RAC2: variants seen among roughly 807,000 people sequenced by gnomAD.
RAC2 encodes the protein ras-related C3 botulinum toxin substrate 2.
In RAC2, 1 loss-of-function variant was observed where a neutral mutation model predicts 24.0. The ratio of observed to expected loss-of-function variants is 0.04; its 90% confidence interval spans 0.01 to 0.20. The LOEUF is 0.20. Among genes scored for constraint, RAC2 ranks in the 10% least tolerant of loss-of-function variants. RAC2 has a pLI of 1.00. For missense variants in RAC2, 130 were observed against 259.1 expected (o/e 0.50, Z 3.42); for synonymous variants, 114 against 106.8 (o/e 1.07, Z -0.41).
intron 5 of RAC2, among the ~76,000 whole-genome samples, 163 bp from the exon 6 acceptor site, chr22:37,226,966 G>T (rs1369254080): frequency 3.6e-5 from 1 of 27,406 alleles, no homozygotes; most frequent in Non-Finnish European, 7.4e-5. Flanking sequence ...CCCCTCCCAC[G>T]CCATACACCC....
At chr22:37,240,900 G>C in intron 2 of RAC2, 1 of 644,880 alleles carries the variant, frequency 1.6e-6, no homozygotes, top group Non-Finnish European at 2.9e-6. Context: ...CGAACAGTAG[G>C]GTCCGGAGGA....
At chr22:37,236,214 T>C (rs1447739728) in intron 2 of RAC2, among the ~76,000 whole-genome samples, 2 of 152,188 alleles carry the variant, frequency 1.3e-5, no homozygotes, top group East Asian at 1.9e-4. Flanking sequence ...CACTGGGAGA[T>C]GCTGAGAAGC....
intron 2 of RAC2, among the ~76,000 whole-genome samples, chr22:37,240,396 C>T (rs1927351946): frequency 6.6e-6 from 1 of 152,238 alleles, no homozygotes; most frequent in Non-Finnish European, 1.5e-5. Flanking sequence ...CTGTGAGGCT[C>T]AGCTTCCCCA....
rs555876188 is a variant in RAC2, at chr22:37,230,752, T to G, written c.448+479A>C. On this transcript the variant is annotated intron_variant, in intron 5 of 6. Coordinates refer to ENST00000249071, the MANE Select transcript of RAC2 (RefSeq NM_002872.5). The stretch of plus-strand genomic sequence containing the variant: ...GGAAGGAAATGTGTCACCCTTTAGA[T>G]CTAATGCAGCGCCACCTCCTCCAGG... 3.9e-5 allele frequency among the ~76,000 whole-genome samples: 6 copies of G among 152,162 alleles called. No individual in the cohort carries two copies. The South Asian group carries it at 6.2e-4, about 16-fold the overall frequency.
At chr22:37,229,105 AC>A (rs1353231283) in intron 5 of RAC2, among the ~76,000 whole-genome samples, 1 of 151,916 alleles carries the variant, frequency 6.6e-6, no homozygotes, top group Non-Finnish European at 1.5e-5. Flanking sequence ...CCAGCCACCC[AC>A]TCACCCAGGA....
chr22:37,231,155 GTTTA>G lies in RAC2; in HGVS notation c.448+72_448+75del. 1 of 1,561,832 alleles carries G rather than the reference GTTTA, an allele frequency of 6.4e-7. No homozygotes were observed. Among genetic ancestry groups the G allele is most frequent in the Non-Finnish European group, 8.8e-7 (1 of 1,136,002 alleles). ...TGCACAGCCTGGCCCTGCAGCCCGT[GTTTA>G]CAATCACACCACGAGGCCAAGTCAG... On this transcript the variant is annotated intron_variant, in intron 5 of 6. Coordinates refer to ENST00000249071, the MANE Select transcript of RAC2 (RefSeq NM_002872.5). The surrounding 1 kb of genome is among the most constrained non-coding windows in gnomAD (Gnocchi z 5.5).
chr22:37,231,089 C>A lies in RAC2; in HGVS notation c.448+142G>T, dbSNP rs1927045484. ...GCAGAGAGAGGCTACGTGACTCGCC[C>A]AAGGTCACACAGCAAGTGCACAGCA... On this transcript the variant is annotated intron_variant, in intron 5 of 6. Transcript: ENST00000249071. This position sits in a 1 kb window ranked among gnomAD's most constrained non-coding sequence, Gnocchi z 5.5. 2 of 1,024,506 alleles carry A rather than the reference C, an allele frequency of 2.0e-6. No homozygotes were observed. The highest frequency in any genetic ancestry group is 3.0e-6 in the Non-Finnish European group (2 of 672,908). The allele number at this position is 1,024,506 out of a possible 1,614,324, so 63.5% of individuals were successfully genotyped here. A position where few individuals can be genotyped will look rare whatever the true frequency, so the allele number is the denominator to read the frequency against.
chr22:37,230,776 G>A (rs535130428), intron 5 of RAC2, among the ~76,000 whole-genome samples: 1 of 152,226 alleles, frequency 6.6e-6, no homozygotes, highest in East Asian at 1.9e-4. Flanking sequence ...ACCTCCTCCA[G>A]GAAGCCTTCC....
In RAC2 at chr22:37,231,578, G is replaced by A; in HGVS notation, c.289-188C>T. 2 of 620,822 alleles carry A rather than the reference G, an allele frequency of 3.2e-6. No homozygotes were observed. The highest frequency in any genetic ancestry group is 3.8e-5 in the South Asian group (2 of 52,286). The allele number at this position is 620,822 out of a possible 1,614,324, so 38.5% of individuals were successfully genotyped here. Reference sequence around the variant, plus strand: ...CACAGGGAGGGGAGGCCACGACGTTGTGCAGGAAGGAGGGGGCGCATGATT... The same window carrying A: ...CACAGGGAGGGGAGGCCACGACGTTATGCAGGAAGGAGGGGGCGCATGATT... On this transcript the variant is annotated intron_variant, in intron 4 of 6. Coordinates refer to ENST00000249071, the MANE Select transcript of RAC2 (RefSeq NM_002872.5). This position sits in a 1 kb window ranked among gnomAD's most constrained non-coding sequence, Gnocchi z 5.5.
At chr22:37,232,696 G>C in intron 3 of RAC2, 105 bp downstream of exon 3, 1 of 930,954 alleles carries the variant, frequency 1.1e-6, no homozygotes, top group South Asian at 1.3e-5. Context: ...GGGCCTTAAG[G>C]GGAGAGGTAG....
At chr22:37,232,584 A>C in intron 3 of RAC2, 1 of 585,386 alleles carries the variant, frequency 1.7e-6, no homozygotes, top group Non-Finnish European at 3.1e-6. Flanking sequence ...TGGGGTGGGA[A>C]GATGGGCACA....
In RAC2 at chr22:37,226,685, G is replaced by A. The variant is rs577981173; in HGVS notation, c.567C>T (p.Cys189=). The A allele has an allele frequency of 4.3e-5, 70 of 1,612,868 alleles. 1 individual carries two copies. In the South Asian group the frequency reaches 7.0e-4, roughly 16 times the overall value. ...PQPTRQQKRA[C]SLL ...GGGACTCTTACCCCTAGAGGAGGCT[G>A]CAGGCGCGCTTCTGCTGCCGCGTGG... Residue 189 remains cysteine, a synonymous_variant, in exon 6 of 7, where the codon TGC becomes TGT. Transcript: ENST00000249071.
At chr22:37,227,832 T>C (rs759957684) in intron 5 of RAC2, among the ~76,000 whole-genome samples, 24 of 152,094 alleles carry the variant, frequency 1.6e-4, no homozygotes, top group Non-Finnish European at 2.9e-4. Flanking sequence ...CTCATGTCTG[T>C]AATAGCGAGC....
chr22:37,231,938 G>A lies in RAC2; in HGVS notation c.282C>T (p.Arg94=), dbSNP rs201989515. The A allele has an allele frequency of 4.4e-5, 68 of 1,551,966 alleles. No homozygotes were observed. Among genetic ancestry groups the A allele is most frequent in the East Asian group, 2.4e-4 (10 of 40,928 alleles). Residue 94 remains arginine (R), a synonymous_variant, in exon 4 of 7, where the codon CGC becomes CGT. Coordinates refer to ENST00000249071, the MANE Select transcript of RAC2 (RefSeq NM_002872.5). This position sits in a 1 kb window ranked among gnomAD's most constrained non-coding sequence, Gnocchi z 5.5. ...CCCACCCTGTCCAGCTCACCTTGGC[G>A]CGGACGTTCTCATAAGAGGCTGGGC... is the stretch of plus-strand genomic sequence containing the variant. ...LVSPASYENV[R]AKWFPEVRHH... is the part of the protein sequence containing the mutation.
chr22:37,244,258 G>A lies in RAC2; in HGVS notation c.-110C>T. On this transcript the variant is annotated 5_prime_UTR_variant, in exon 1 of 7. Transcript: ENST00000249071. Reference sequence around the variant, plus strand: ...AGGCGCCTGCTGAGGAGCAGCGGTGGTGGGGCAGGAGGAAACGGAAGGGGA... The same window carrying A: ...AGGCGCCTGCTGAGGAGCAGCGGTGATGGGGCAGGAGGAAACGGAAGGGGA... 1.6e-6 allele frequency: 2 copies of A among 1,268,170 alleles called. No individual in the cohort carries two copies. The highest frequency in any genetic ancestry group is 1.1e-6 in the Non-Finnish European group (1 of 889,842). 78.6% of individuals were successfully genotyped at this position (1,268,170 alleles called of 1,614,324 possible). A position where few individuals can be genotyped will look rare whatever the true frequency, so the allele number is the denominator to read the frequency against.
chr22:37,229,187 T>C (rs1926978863), intron 5 of RAC2, among the ~76,000 whole-genome samples: 1 of 152,196 alleles, frequency 6.6e-6, no homozygotes, highest in South Asian at 2.1e-4. Flanking sequence ...CTTTAGTCAG[T>C]TCCCCCTCTC....
intron 5 of RAC2, 46 bp from the exon 6 acceptor site, chr22:37,226,849 G>A (rs751523605): frequency 3.1e-6 from 5 of 1,594,140 alleles, no homozygotes; most frequent in African/African-American, 2.8e-5. Flanking sequence ...AGTGGCGGGG[G>A]GGGTTCTGGG....
rs182850175 is a variant in RAC2, at chr22:37,227,400, G to A, written c.449-597C>T. 7.6e-3 allele frequency among the ~76,000 whole-genome samples: 110 copies of A among 14,512 alleles called. 2 individuals carry two copies. Among genetic ancestry groups the A allele is most frequent in the Admixed American group, 0.024 (24 of 998 alleles). The allele number at this position is 14,512 out of a possible 152,430, so 9.5% of individuals were successfully genotyped here. A position where few individuals can be genotyped will look rare whatever the true frequency, so the allele number is the denominator to read the frequency against. ...CTCCCACGCCATACACCCCTCCCAC[G>A]CCATACACCCCTCCCACACCATACA... On this transcript the variant is annotated intron_variant, in intron 5 of 6. Transcript: ENST00000249071.
At chr22:37,236,798 G>A (rs559659859) in intron 2 of RAC2, among the ~76,000 whole-genome samples, 1 of 152,314 alleles carries the variant, frequency 6.6e-6, no homozygotes, top group African/African-American at 2.4e-5. Flanking sequence ...AAGGATTGAT[G>A]TCATAGGGGC....
Sources: gnomAD v4.1 joint callset for allele counts (sites outside exome capture counted in the v4.1 genomes callset) on GRCh38, gnomAD v4.1.1 for gene constraint, Gnocchi (gnomAD v3.1) non-coding constraint, MANE v1.5 for transcripts, NCBI Gene and HGNC (gene_info 2026-07-23, HGNC 2026-07-21) for gene names.